The following SPTAN1 variants were observed in gnomAD, a reference collection of about 807,000 sequenced individuals.
SPTAN1 encodes the protein spectrin alpha, non-erythrocytic 1.
Under a neutral mutation model 331.3 loss-of-function variants are expected in SPTAN1, and 61 were observed. That is an observed-to-expected ratio of 0.18 (90% CI 0.15 to 0.23). The LOEUF (loss-of-function observed/expected upper bound fraction) is 0.23. Among genes scored for constraint, SPTAN1 ranks in the 10% least tolerant of loss-of-function variants. The probability of loss-of-function intolerance (pLI) is 1.00; values close to 1 mark genes in which losing one functional copy is unlikely to be tolerated. For synonymous variants in SPTAN1, 1,153 were observed against 1,173.9 expected, an observed-to-expected ratio of 0.98 and a Z score of 0.36; for missense variants, 2,043 against 3,147.9, an observed-to-expected ratio of 0.65 and a Z score of 8.40.
chr9:128,606,545 G>A (rs1855912738), intron 31 of SPTAN1, among the ~76,000 whole-genome samples: 1 of 149,690 alleles, frequency 6.7e-6, no homozygotes, highest in African/African-American at 2.5e-5. Flanking sequence ...GTGCAGTGGT[G>A]CGATCTCAGC....
At chr9:128,619,057 G>A in intron 44 of SPTAN1, 54 bp downstream of exon 44, 2 of 1,611,384 alleles carry the variant, frequency 1.2e-6, no homozygotes, top group South Asian at 1.1e-5. Flanking sequence ...ACTGCCTGCT[G>A]GTCATCATTT....
At chr9:128,586,005 G>A in intron 19 of SPTAN1, 40 bp downstream of exon 19, 1 of 1,586,044 alleles carries the variant, frequency 6.3e-7, no homozygotes, top group Non-Finnish European at 8.6e-7. Context: ...CCAGGGAAGT[G>A]GAACAGGGCT....
chr9:128,574,664 G>T lies in SPTAN1; in HGVS notation c.364-11G>T. ...TGTGATCTGATTAAAACTCTGATTT[G>T]AAACTTTCAGACCCGTTTGATGGAG... On this transcript the variant is annotated splice_polypyrimidine_tract_variant and intron_variant, in intron 3 of 56. Transcript: ENST00000372739. The T allele has an allele frequency of 1.2e-6, 2 of 1,614,092 alleles. No homozygotes were observed. The highest frequency in any genetic ancestry group is 1.7e-6 in the Non-Finnish European group (2 of 1,180,018).
In SPTAN1 at chr9:128,555,626, T is replaced by TCC. The variant is rs1303968366; in HGVS notation, c.-4+2930_-4+2931insCC. The stretch of plus-strand genomic sequence containing the variant: ...ACTTGAAAATTTGCAAAGCCTTTTT[T>TCC]TTTTTTTTTTTTTTTTTAACCTCCC... On this transcript the variant is annotated intron_variant, in intron 1 of 56. Coordinates refer to ENST00000372739, the MANE Select transcript of SPTAN1 (RefSeq NM_001130438.3). 7.8e-4 allele frequency among the ~76,000 whole-genome samples: 117 copies of TCC among 149,690 alleles called. 4 individuals are homozygous for TCC. The highest frequency in any genetic ancestry group is 2.0e-3 in the East Asian group (10 of 5,084).
Position 128,609,157 on chromosome 9 carries a change from G to A in SPTAN1, c.4631G>A (p.Arg1544Lys), listed in dbSNP as rs768426868. The A allele has an allele frequency of 6.2e-7, 1 of 1,614,150 alleles. No homozygotes were observed. The highest frequency in any genetic ancestry group is 8.5e-7 in the Non-Finnish European group (1 of 1,180,034). ...RRLKAQMIEKRSKLGESQTLQ... is the reference protein window; with the variant it reads ...RRLKAQMIEKKSKLGESQTLQ... ...CTGAAAGCCCAGATGATTGAGAAAA[G>A]GTCAAAGCTAGGAGAATCTCAAACC... The change falls in exon 36 of 57, where the codon AGG becomes AAG. Residue 1544 changes from arginine to lysine, a missense_variant. Around this residue, in one of 12 missense-constraint regions of SPTAN1, gnomAD observed 323 missense variants for 581.1 expected, o/e 0.56. Transcript: ENST00000372739.
chr9:128,575,065 C>A, intron 4 of SPTAN1, 134 bp from the exon 5 acceptor site: 1 of 1,383,080 alleles, frequency 7.2e-7, no homozygotes, highest in Non-Finnish European at 1.0e-6. Context: ...GAACTAAAAT[C>A]ACAAACCACA....
intron 1 of SPTAN1, among the ~76,000 whole-genome samples, chr9:128,565,624 G>A (rs1231104906): frequency 6.6e-6 from 1 of 152,182 alleles, no homozygotes; most frequent in Non-Finnish European, 1.5e-5. Context: ...ATCTCCTTCT[G>A]TTTACCTGCT....
chr9:128,567,667 G>A (rs1282756638), intron 2 of SPTAN1, among the ~76,000 whole-genome samples: 1 of 152,136 alleles, frequency 6.6e-6, no homozygotes, highest in African/African-American at 2.4e-5. Flanking sequence ...AGATATCAAA[G>A]AATAAGTACT....
chr9:128,628,485 A>G (rs779444978), intron 51 of SPTAN1: 14 of 308,456 alleles, frequency 4.5e-5, no homozygotes, highest in South Asian at 2.5e-4. Context: ...GCCCTAATAG[A>G]AGGCAAAAAT....
chr9:128,627,191 G>A lies in SPTAN1; in HGVS notation c.6577-195G>A, dbSNP rs1858893763. On this transcript the variant is annotated intron_variant, in intron 49 of 56. Coordinates refer to ENST00000372739, the MANE Select transcript of SPTAN1 (RefSeq NM_001130438.3). The surrounding 1 kb of genome is among the most constrained non-coding windows in gnomAD (Gnocchi z 4.9). ...TTCCCTCCAGGTCCGCCTCTTCCTT[G>A]AAGCCCCTGGGGGGTGGGAACAGAG... The A allele has an allele frequency of 4.6e-6, 3 of 649,378 alleles. No individual in the cohort carries two copies. Among genetic ancestry groups the A allele is most frequent in the South Asian group, 1.6e-5 (1 of 60,764 alleles). The allele number at this position is 649,378 out of a possible 1,614,324, so 40.2% of individuals were successfully genotyped here. A position where few individuals can be genotyped will look rare whatever the true frequency, so the allele number is the denominator to read the frequency against.
intron 41 of SPTAN1, among the ~76,000 whole-genome samples, chr9:128,616,868 A>T (rs10819423): frequency 1.6e-4 from 25 of 151,640 alleles, no homozygotes; most frequent in African/African-American, 6.0e-4. Flanking sequence ...GGAAGTGGAG[A>T]TTTCAGTGAG....
intron 1 of SPTAN1, among the ~76,000 whole-genome samples, chr9:128,554,061 T>C (rs938295660): frequency 4.6e-5 from 7 of 152,182 alleles, no homozygotes; most frequent in African/African-American, 1.7e-4. Context: ...TCTTAGATTT[T>C]GAAAGGTCAA....
rs765079561 is a variant in SPTAN1, at chr9:128,608,936, C to G, written c.4554C>G (p.Ala1518=). 5.3e-5 allele frequency: 86 copies of G among 1,614,106 alleles called. No homozygotes were observed. The highest frequency in any genetic ancestry group is 7.2e-5 in the Non-Finnish European group (85 of 1,180,052). Residue 1518 remains alanine (A), a synonymous_variant, in exon 35 of 57, where the codon GCC becomes GCG. Coordinates refer to ENST00000372739, the MANE Select transcript of SPTAN1 (RefSeq NM_001130438.3). ...ADQLIAAGHY[A]KGDISSRRNE... is the part of the protein sequence containing the mutation. ...AGCTCATCGCTGCCGGCCATTATGC[C>G]AAGGGAGACATTTCTAGCCGGCGCA...
rs1474933647 is a variant in SPTAN1, at chr9:128,615,160, CTTTA to C, written c.5149-465_5149-462del. ...AGTATTCTTTGAAGTGACAGGCTCA[CTTTA>C]TTTATTCTGGACCGAGTATCTGTGA... On this transcript the variant is annotated intron_variant, in intron 40 of 56. Coordinates refer to ENST00000372739, the MANE Select transcript of SPTAN1 (RefSeq NM_001130438.3). Among the ~76,000 whole-genome samples the C allele has an allele frequency of 2.0e-5, 3 of 152,160 alleles. No individual in the cohort carries two copies. In the East Asian group the frequency reaches 5.8e-4, roughly 29 times the overall value.
At chr9:128,557,545 A>T (rs887201333) in intron 1 of SPTAN1, among the ~76,000 whole-genome samples, 3 of 150,412 alleles carry the variant, frequency 2.0e-5, no homozygotes, top group Middle Eastern at 3.4e-3. Flanking sequence ...ATACCCCCCA[A>T]TTTTTTTTAT....
At chr9:128,609,332 T>A in intron 36 of SPTAN1, 48 bp downstream of exon 36, 1 of 1,613,176 alleles carries the variant, frequency 6.2e-7, no homozygotes, top group Non-Finnish European at 8.5e-7. Context: ...CTTATGTTAT[T>A]GAGTAGATTT....
chr9:128,594,335 G>A lies in SPTAN1; in HGVS notation c.3376G>A (p.Val1126Ile). 1 of 1,614,122 alleles carries A rather than the reference G, an allele frequency of 6.2e-7. No individual in the cohort carries two copies. Among genetic ancestry groups the A allele is most frequent in the Non-Finnish European group, 8.5e-7 (1 of 1,180,012 alleles). ...GGAGGTCGGAGCAGACTTGGAGCAG[G>A]TTGAGGTGCTCCAGAAGAAGTTTGA... ...SEEVGADLEQ[V>I]EVLQKKFDDF... The change falls in exon 24 of 57, where the codon GTT becomes ATT. Residue 1126 changes from valine (V) to isoleucine (I), a missense_variant. Physicochemically the swap from Val to Ile is conservative, Grantham distance 29 (BLOSUM62 3). This residue lies in a region of SPTAN1 where 1,038 missense variants were observed against 1,531.5 expected (regional missense o/e 0.68). Coordinates refer to ENST00000372739, the MANE Select transcript of SPTAN1 (RefSeq NM_001130438.3).
Position 128,597,973 on chromosome 9 carries a change from A to G in SPTAN1, c.3415-427A>G, listed in dbSNP as rs377119413. On this transcript the variant is annotated intron_variant, in intron 24 of 56. Transcript: ENST00000372739. ...CTGTTTTGTTTTGTTTTTGAGATGG[A>G]GTTTCGCTCTTGTTGCACAGGCTGG... Among the ~76,000 whole-genome samples, 51 of 140,098 alleles carry G rather than the reference A, an allele frequency of 3.6e-4. No individual in the cohort carries two copies. In the East Asian group the frequency reaches 6.1e-3, roughly 17 times the overall value. 91.9% of individuals were successfully genotyped at this position (140,098 alleles called of 152,430 possible). A position where few individuals can be genotyped will look rare whatever the true frequency, so the allele number is the denominator to read the frequency against.
Position 128,618,019 on chromosome 9 carries a change from T to C in SPTAN1, c.5511T>C (p.Asp1837=). 1.2e-6 allele frequency: 2 copies of C among 1,614,114 alleles called. No homozygotes were observed. The highest frequency in any genetic ancestry group is 2.2e-5 in the South Asian group (2 of 91,066). ...GVLDTGKKLS[D]DNTIGKEEIQ... Reference sequence around the variant, plus strand: ...TGGACACTGGCAAGAAGCTGTCCGATGACAACACCATCGGGAAAGAGGAGA... The same window carrying C: ...TGGACACTGGCAAGAAGCTGTCCGACGACAACACCATCGGGAAAGAGGAGA... The change falls in exon 43 of 57, where the codon GAT becomes GAC. Residue 1837 remains aspartate, a synonymous_variant. Transcript: ENST00000372739.
Sources: allele counts gnomAD v4.1 joint callset (sites outside exome capture counted in the v4.1 genomes callset), GRCh38; gene constraint gnomAD v4.1.1; regional missense constraint gnomAD v4.1.1; non-coding constraint Gnocchi (gnomAD v3.1); transcripts MANE v1.5; gene names NCBI Gene and HGNC (gene_info 2026-07-23, HGNC 2026-07-21).